Variants in ZNF783 observed in about 807,000 individuals in gnomAD.
ZNF783 encodes zinc finger protein 783.
A neutral mutation model predicts 31.3 loss-of-function variants in ZNF783; 25 were observed. The observed-to-expected ratio is 0.80, with a 90% confidence interval of 0.58 to 1.11. The LOEUF is 1.11. Among genes scored for constraint, ZNF783 ranks in the 50% most tolerant of loss-of-function variants. The pLI, the probability that ZNF783 is intolerant of heterozygous loss-of-function variation, is 0.00. For synonymous variants in ZNF783, 369 were observed against 319.1 expected, an observed-to-expected ratio of 1.16 and a Z score of -1.66; for missense variants, 797 against 760.0, an observed-to-expected ratio of 1.05 and a Z score of -0.57.
At chr7:149,276,912 G>A (rs968671765) in intron 4 of ZNF783, among the ~76,000 whole-genome samples, 8 of 151,388 alleles carry the variant, frequency 5.3e-5, no homozygotes, top group South Asian at 2.1e-4. Context: ...GCAGTGGCGC[G>A]ATCTCGGCTC....
Position 149,278,439 on chromosome 7 carries a change from C to A in ZNF783, c.714C>A (p.Ser238Arg). Residue 238 changes from serine (S) to arginine (R), a missense_variant, in exon 5 of 6, where the codon AGC (serine) becomes AGA (arginine). Physicochemically the swap from Ser to Arg is moderately radical, Grantham distance 110. Coordinates refer to ENST00000434415, the MANE Select transcript of ZNF783 (RefSeq NM_001195220.2). ...CAGAGCACCTCACCAGCCCACTTAG[C>A]CCTGCCCAGGAGGAGCTGAAAGAAG... is the stretch of plus-strand genomic sequence containing the variant. ...PYPEHLTSPL[S>R]PAQEELKEGQ... The A allele has an allele frequency of 6.3e-7, 1 of 1,599,396 alleles. No homozygotes were observed. Among genetic ancestry groups the A allele is most frequent in the Non-Finnish European group, 8.5e-7 (1 of 1,179,776 alleles).
At chr7:149,267,309 G>A (rs1797103640) in intron 4 of ZNF783, 87 bp downstream of exon 4, 1 of 1,493,398 alleles carries the variant, frequency 6.7e-7, no homozygotes, top group African/African-American at 1.4e-5. Flanking sequence ...AGACAATCAG[G>A]GAGGGCAGGA....
chr7:149,267,996 T>C (rs535670019), intron 4 of ZNF783, among the ~76,000 whole-genome samples: 1 of 152,324 alleles, frequency 6.6e-6, no homozygotes, highest in Admixed American at 6.5e-5. Context: ...AGGCATGCCC[T>C]GTCCTTGTAG....
chr7:149,262,845 T>G (rs1251903123), intron 1 of ZNF783, among the ~76,000 whole-genome samples: 1 of 152,282 alleles, frequency 6.6e-6, no homozygotes, highest in African/African-American at 2.4e-5. Flanking sequence ...CCTCATATTC[T>G]ACTTTTGCCA....
At position 149,283,652 on chromosome 7, in the gene ZNF783, T is replaced by A. The variant is rs1417442002; in HGVS notation, c.*1309T>A. 1 of 152,240 alleles carries A rather than the reference T, an allele frequency of 6.6e-6. No individual in the cohort carries two copies. Among genetic ancestry groups the A allele is most frequent in the East Asian group, 1.9e-4 (1 of 5,184 alleles). 9.4% of individuals were successfully genotyped at this position (152,240 alleles called of 1,614,324 possible). On this transcript the variant is annotated 3_prime_UTR_variant, in exon 6 of 6. Transcript: ENST00000434415. ...GGGCAGTCTCCTCTCAAAGGAGTTC[T>A]CCCTTGAGCACTTTGGGCTCTGGGG...
intron 1 of ZNF783, among the ~76,000 whole-genome samples, chr7:149,266,043 C>T (rs1034260867): frequency 2.0e-5 from 3 of 152,334 alleles, no homozygotes; most frequent in Non-Finnish European, 4.4e-5. Flanking sequence ...GTTGCTCAAG[C>T]CTGTGGGGCA....
rs202079265 is a variant in ZNF783, at chr7:149,281,675, G to T, written c.973G>T (p.Ala325Ser). Residue 325 changes from alanine to serine, a missense_variant, in exon 6 of 6, where the codon GCA becomes TCA. Ala to Ser is a moderately conservative substitution (Grantham distance 99). Transcript: ENST00000434415. ...GGCCCAGGGCATGCCCAGGGTGCGG[G>T]CAGGGGAGCCACGGCCACCGGGGGC... ...HQAQGMPRVR[A>S]GEPRPPGASG... 6.6e-6 allele frequency: 10 copies of T among 1,508,184 alleles called. No homozygotes were observed. The African/African-American group carries it at 1.1e-4, about 17-fold the overall frequency. 93.4% of individuals were successfully genotyped at this position (1,508,184 alleles called of 1,614,324 possible).
chr7:149,275,580 G>T (rs1045810494), intron 4 of ZNF783: 1 of 152,358 alleles, frequency 6.6e-6, no homozygotes, highest in African/African-American at 2.4e-5. Flanking sequence ...GCCTCCCAAA[G>T]TGCTGGGATT....
At position 149,267,202 on chromosome 7, in the gene ZNF783, G is replaced by A. The variant is rs775517682; in HGVS notation, c.653G>A (p.Arg218His). ...AAGGGGAATGAAGTAGAGGTGGGAC[G>A]TCCAAGGATGATGGGCACTGGTAAG... ...QEKGNEVEVG[R>H]PRMMGTGLPP... Residue 218 changes from arginine to histidine, a missense_variant, in exon 4 of 6, where the codon CGT (arginine) becomes CAT (histidine). Transcript: ENST00000434415. 33 of 1,596,764 alleles carry A rather than the reference G, an allele frequency of 2.1e-5. No individual in the cohort carries two copies. Among genetic ancestry groups the A allele is most frequent in the Admixed American group, 1.5e-4 (9 of 59,730 alleles).
chr7:149,268,351 C>T (rs904701657), intron 4 of ZNF783, among the ~76,000 whole-genome samples: 1 of 152,108 alleles, frequency 6.6e-6, no homozygotes, highest in African/African-American at 2.4e-5. Flanking sequence ...CCACATTTTA[C>T]ATTTGGTTTA....
chr7:149,266,560 A>G lies in ZNF783; in HGVS notation c.250A>G (p.Thr84Ala). The stretch of plus-strand genomic sequence containing the variant: ...GAAGAAGCTGGCCGACTGCGAGAAG[A>G]CAGCTGTGGAGTTCGGGAACCAGCT... ...AEKKLADCEK[T>A]AVEFGNQLEG... The change falls in exon 2 of 6, where the codon ACA (threonine) becomes GCA (alanine). Residue 84 changes from threonine to alanine, a missense_variant. Physicochemically the swap from Thr to Ala is moderately conservative, Grantham distance 58 (BLOSUM62 0). Transcript: ENST00000434415. 1.2e-6 allele frequency: 2 copies of G among 1,614,148 alleles called. No homozygotes were observed. The highest frequency in any genetic ancestry group is 1.7e-6 in the Non-Finnish European group (2 of 1,180,026).
At chr7:149,276,314 G>A in intron 4 of ZNF783, 1 of 986,814 alleles carries the variant, frequency 1.0e-6, no homozygotes, top group Non-Finnish European at 1.2e-6. Flanking sequence ...GCTTGGGGCT[G>A]TTTAGTAGGA....
At chr7:149,279,044 A>C (rs538581209) in intron 5 of ZNF783, among the ~76,000 whole-genome samples, 5 of 152,328 alleles carry the variant, frequency 3.3e-5, no homozygotes, top group African/African-American at 1.2e-4. Context: ...CAGGGCATTT[A>C]GCGGAACACT....
chr7:149,279,632 GTTTTTTTT>G (rs764203926), intron 5 of ZNF783, among the ~76,000 whole-genome samples: 2 of 100,342 alleles, frequency 2.0e-5, no homozygotes, highest in Non-Finnish European at 3.9e-5. Context: ...TTTTATCTTT[GTTTTTTTT>G]TTTTTTTTTT....
Position 149,266,563 on chromosome 7 carries a change from G to A in ZNF783, c.253G>A (p.Ala85Thr), listed in dbSNP as rs1797073436. The change falls in exon 2 of 6, where the codon GCT becomes ACT. Residue 85 changes from alanine to threonine, a missense_variant. Physicochemically the swap from Ala to Thr is moderately conservative, Grantham distance 58. Coordinates refer to ENST00000434415, the MANE Select transcript of ZNF783 (RefSeq NM_001195220.2). ...GAAGCTGGCCGACTGCGAGAAGACA[G>A]CTGTGGAGTTCGGGAACCAGCTGGA... ...EKKLADCEKT[A>T]VEFGNQLEGK... 6.2e-7 allele frequency: 1 copy of A among 1,614,114 alleles called. No homozygotes were observed. Among genetic ancestry groups the A allele is most frequent in the African/African-American group, 1.3e-5 (1 of 74,948 alleles).
At chr7:149,267,907 C>T (rs1797120907) in intron 4 of ZNF783, among the ~76,000 whole-genome samples, 1 of 152,156 alleles carries the variant, frequency 6.6e-6, no homozygotes, top group African/African-American at 2.4e-5. Flanking sequence ...CTATTGCAGT[C>T]CCACAACCCC....
At chr7:149,269,925 G>T (rs1235065185) in intron 4 of ZNF783, among the ~76,000 whole-genome samples, 2 of 150,518 alleles carry the variant, frequency 1.3e-5, no homozygotes, top group East Asian at 2.0e-4. Context: ...GCGGTGTTTG[G>T]TTTTTTGTCC....
chr7:149,278,666 A>G, intron 5 of ZNF783, 139 bp downstream of exon 5: 1 of 1,411,044 alleles, frequency 7.1e-7, no homozygotes, highest in Non-Finnish European at 9.4e-7. Context: ...TGGGCCGGAC[A>G]GGCTTTCTGG....
At chr7:149,263,258 A>ACG in intron 1 of ZNF783, among the ~76,000 whole-genome samples, 1 of 139,596 alleles carries the variant, frequency 7.2e-6, no homozygotes, top group Admixed American at 7.3e-5. Flanking sequence ...AAAAGTATAT[A>ACG]TATATACGTG....
Sources: gnomAD v4.1 joint callset for allele counts (sites outside exome capture counted in the v4.1 genomes callset) on GRCh38, gnomAD v4.1.1 for gene constraint, MANE v1.5 for transcripts, NCBI Gene and HGNC (gene_info 2026-07-23, HGNC 2026-07-21) for gene names.